CEP112: variants seen among roughly 807,000 people sequenced by gnomAD.
CEP112 encodes the protein centrosomal protein of 112 kDa.
In CEP112, 127 loss-of-function variants were observed where a neutral mutation model predicts 153.0. The observed-to-expected ratio is 0.83, with a 90% confidence interval of 0.72 to 0.96. CEP112 has a LOEUF of 0.96. Among genes scored for constraint, CEP112 ranks in the 40% least tolerant of loss-of-function variants. The pLI is 0.00. For missense variants in CEP112, 1,089 were observed against 1,101.2 expected, an observed-to-expected ratio of 0.99 and a Z score of 0.16; for synonymous variants, 358 against 374.4, an observed-to-expected ratio of 0.96 and a Z score of 0.51.
chr17:65,848,888 G>T (rs555377434), intron 21 of CEP112, among the ~76,000 whole-genome samples: 42 of 151,982 alleles, frequency 2.8e-4, no homozygotes, highest in Non-Finnish European at 4.3e-4. Context: ...GCCTTCTCAC[G>T]CACATCTGCT....
intron 24 of CEP112, 111 bp from the exon 25 acceptor site, chr17:65,641,176 G>C (rs75578796): frequency 1.6e-6 from 1 of 627,142 alleles, no homozygotes; most frequent in East Asian, 2.7e-5. Flanking sequence ...TGTTACACGC[G>C]GTCAGAAACC....
chr17:65,898,727 T>C (rs892339281), intron 20 of CEP112, among the ~76,000 whole-genome samples: 4 of 152,276 alleles, frequency 2.6e-5, no homozygotes, highest in Middle Eastern at 3.4e-3. Context: ...TGCATTTAAT[T>C]TGCATGATAC....
In CEP112 at chr17:66,155,845, T is replaced by C. The variant is rs1598455801; in HGVS notation, c.470+19199A>G. On this transcript the variant is annotated intron_variant, in intron 4 of 26. Transcript: ENST00000535342. Reference sequence around the variant, plus strand: ...ACTGCCTCTCTAGATTCCTCCTCTCTGGGCAGGGCATCTCTGAAAGAAAGG... The same window carrying C: ...ACTGCCTCTCTAGATTCCTCCTCTCCGGGCAGGGCATCTCTGAAAGAAAGG... Among the ~76,000 whole-genome samples the C allele has an allele frequency of 2.0e-5, 3 of 152,200 alleles. No individual in the cohort carries two copies. The South Asian group carries it at 6.2e-4, about 31-fold the overall frequency.
rs1278694576 is a variant in CEP112 at position 66,030,026 on chromosome 17, A to G, written c.1219-3T>C. The G allele has an allele frequency of 1.2e-6, 2 of 1,612,708 alleles. No individual in the cohort carries two copies. The highest frequency in any genetic ancestry group is 1.7e-6 in the Non-Finnish European group (2 of 1,179,482). ...TCCAGTTCTTTGATCATGTGGTTCT[A>G]AAAGAACAGGTCATGGTTAAGAAAG... On this transcript the variant is annotated splice_polypyrimidine_tract_variant and splice_region_variant and intron_variant, in intron 12 of 26. Transcript: ENST00000535342.
At chr17:65,673,060 C>A (rs1294548317) in intron 24 of CEP112, among the ~76,000 whole-genome samples, 1 of 152,126 alleles carries the variant, frequency 6.6e-6, no homozygotes, top group African/African-American at 2.4e-5. Context: ...ATCCTCAGCT[C>A]TGGGTATCAC....
intron 17 of CEP112, among the ~76,000 whole-genome samples, chr17:65,980,841 G>T (rs56022560): frequency 0.013 from 2,045 of 152,020 alleles, 41 homozygotes; most frequent in African/African-American, 0.047. Context: ...GCAGTGGCAC[G>T]ATCTCCACTC....
At chr17:65,645,290 A>G (rs536445321) in intron 24 of CEP112, among the ~76,000 whole-genome samples, 59 of 152,176 alleles carry the variant, frequency 3.9e-4, no homozygotes, top group Non-Finnish European at 6.6e-4. Flanking sequence ...GCTGGTCTCC[A>G]ACTCCTGGAC....
At chr17:65,849,353 G>A (rs188505697) in intron 21 of CEP112, among the ~76,000 whole-genome samples, 15 of 152,268 alleles carry the variant, frequency 9.9e-5, no homozygotes, top group Admixed American at 2.6e-4. Context: ...ATAGTTATCT[G>A]TGTAGTGTAC....
In CEP112 at chr17:65,711,200, G is replaced by A. The variant is rs539330522; in HGVS notation, c.2608-21982C>T. On this transcript the variant is annotated intron_variant, in intron 23 of 26. Transcript: ENST00000535342. Reference sequence around the variant, plus strand: ...TGTCATACGATCAATTGAGTTTCTAGTATTAGAGAGGTCATTAGTCTAGTG... The same window carrying A: ...TGTCATACGATCAATTGAGTTTCTAATATTAGAGAGGTCATTAGTCTAGTG... Among the ~76,000 whole-genome samples the A allele has an allele frequency of 1.1e-3, 163 of 152,300 alleles. 1 individual carries two copies. Among genetic ancestry groups the A allele is most frequent in the South Asian group, 2.5e-3 (12 of 4,826 alleles).
chr17:65,835,594 A>T (rs992523545), intron 21 of CEP112, among the ~76,000 whole-genome samples: 1 of 152,190 alleles, frequency 6.6e-6, no homozygotes, highest in African/African-American at 2.4e-5. Context: ...GAGACTGACA[A>T]CTAAGAATAC....
chr17:66,058,620 C>T (rs928810129), intron 11 of CEP112, among the ~76,000 whole-genome samples: 19 of 152,066 alleles, frequency 1.2e-4, no homozygotes, highest in Admixed American at 3.3e-4. Flanking sequence ...GAGGCTGAGG[C>T]AGGAGGATCG....
intron 6 of CEP112, among the ~76,000 whole-genome samples, chr17:66,105,230 G>A (rs376328539): frequency 6.6e-5 from 10 of 151,990 alleles, no homozygotes; most frequent in African/African-American, 1.9e-4. Flanking sequence ...AATATAATGC[G>A]TTAAATTACA....
intron 23 of CEP112, among the ~76,000 whole-genome samples, chr17:65,728,181 C>G (rs1317170794): frequency 6.6e-6 from 1 of 152,182 alleles, no homozygotes. Context: ...ACAGAACAAG[C>G]TTGACAATGC....
chr17:66,127,540 ATTACT>A (rs9303502), intron 6 of CEP112, among the ~76,000 whole-genome samples: 143,405 of 151,848 alleles, frequency 0.94, 67,812 homozygotes, highest in East Asian at 0.98. Context: ...GGAGGCCCAC[ATTACT>A]TTAATTTCCT....
At chr17:65,695,692 T>A (rs2048320118) in intron 23 of CEP112, among the ~76,000 whole-genome samples, 3 of 152,120 alleles carry the variant, frequency 2.0e-5, no homozygotes, top group Admixed American at 1.3e-4. Flanking sequence ...AACAATTTTT[T>A]AAAAAATGTT....
intron 8 of CEP112, among the ~76,000 whole-genome samples, chr17:66,078,252 C>CTTTTT (rs1319736213): frequency 1.4e-5 from 2 of 138,144 alleles, no homozygotes; most frequent in African/African-American, 2.7e-5. Context: ...TTTTTCTTTT[C>CTTTTT]TTTTCTTTTT....
intron 18 of CEP112, among the ~76,000 whole-genome samples, chr17:65,937,296 A>C (rs1373646845): frequency 9.8e-6 from 1 of 102,148 alleles, no homozygotes; most frequent in African/African-American, 3.6e-5. Context: ...AGTGAGGAGC[A>C]TCTCTGCCCG....
intron 8 of CEP112, among the ~76,000 whole-genome samples, chr17:66,081,317 A>G (rs1568468983): frequency 6.6e-6 from 1 of 152,298 alleles, no homozygotes; most frequent in Non-Finnish European, 1.5e-5. Flanking sequence ...GGTGAAAATT[A>G]TCATCAGAAA....
chr17:65,937,305 C>T (rs1171020360), intron 18 of CEP112, among the ~76,000 whole-genome samples: 5 of 100,048 alleles, frequency 5.0e-5, no homozygotes, highest in African/African-American at 9.6e-5. Context: ...CATCTCTGCC[C>T]GGCCGCCATC....
Sources: allele counts gnomAD v4.1 joint callset (sites outside exome capture counted in the v4.1 genomes callset), GRCh38; gene constraint gnomAD v4.1.1; transcripts MANE v1.5; gene names NCBI Gene and HGNC (gene_info 2026-07-23, HGNC 2026-07-21).